SERGEF: variants seen among roughly 807,000 people sequenced by gnomAD.
SERGEF encodes secretion-regulating guanine nucleotide exchange factor.
A neutral mutation model predicts 50.0 loss-of-function variants in SERGEF; 51 were observed. That is an observed-to-expected ratio of 1.02 (90% CI 0.81 to 1.29). The LOEUF is 1.29. SERGEF is among the 50% of genes most tolerant of loss of function. The pLI is 0.00. For missense variants in SERGEF, 521 were observed against 557.0 expected, an observed-to-expected ratio of 0.94 and a Z score of 0.65; for synonymous variants, 205 against 212.4, an observed-to-expected ratio of 0.97 and a Z score of 0.30.
At chr11:17,913,318 T>C (rs1001141816) in intron 9 of SERGEF, among the ~76,000 whole-genome samples, 1 of 152,184 alleles carries the variant, frequency 6.6e-6, no homozygotes, top group Non-Finnish European at 1.5e-5. Flanking sequence ...TCCAAAAACT[T>C]CAGCTGTTTA....
At chr11:17,823,253 G>C (rs912447296) in intron 10 of SERGEF, among the ~76,000 whole-genome samples, 1 of 152,162 alleles carries the variant, frequency 6.6e-6, no homozygotes, top group Admixed American at 6.5e-5. Context: ...AGACCACAGA[G>C]GTGAAGTGTC....
At chr11:17,804,680 T>G (rs979311184) in intron 10 of SERGEF, among the ~76,000 whole-genome samples, 2 of 152,198 alleles carry the variant, frequency 1.3e-5, no homozygotes, top group African/African-American at 4.8e-5. Flanking sequence ...TGAGACCACC[T>G]ATGAAAAAGT....
intron 4 of SERGEF, among the ~76,000 whole-genome samples, chr11:18,003,067 C>T (rs1039961881): frequency 2.0e-5 from 3 of 152,146 alleles, no homozygotes; most frequent in Non-Finnish European, 4.4e-5. Context: ...ACTACAGAGC[C>T]TAGACTTTGT....
intron 9 of SERGEF, among the ~76,000 whole-genome samples, chr11:17,886,017 G>A (rs1851422137): frequency 6.6e-6 from 1 of 152,152 alleles, no homozygotes; most frequent in Non-Finnish European, 1.5e-5. Flanking sequence ...GTAATGGAGA[G>A]AGTTCTGGAT....
At chr11:17,922,585 G>A (rs1449053979) in intron 9 of SERGEF, among the ~76,000 whole-genome samples, 4 of 152,144 alleles carry the variant, frequency 2.6e-5, no homozygotes, top group African/African-American at 4.8e-5. Flanking sequence ...GGCGTACTAT[G>A]TGGTACTCAG....
chr11:17,988,550 T>C (rs1590235573), intron 8 of SERGEF, 47 bp downstream of exon 8: 2 of 1,592,984 alleles, frequency 1.3e-6, no homozygotes, highest in Non-Finnish European at 1.7e-6. Flanking sequence ...TAGACAGCTG[T>C]CCCCCAGCTG....
chr11:17,871,869 C>T (rs2133892589), intron 10 of SERGEF, among the ~76,000 whole-genome samples: 1 of 152,280 alleles, frequency 6.6e-6, no homozygotes, highest in East Asian at 1.9e-4. Flanking sequence ...ACTTTAAACA[C>T]TGTTGCGCAG....
At chr11:17,998,476 T>C (rs1254554029) in intron 5 of SERGEF, among the ~76,000 whole-genome samples, 7 of 118,552 alleles carry the variant, frequency 5.9e-5, no homozygotes, top group East Asian at 5.0e-4. Flanking sequence ...TATATATATA[T>C]ATATATATAT....
chr11:17,945,365 T>C (rs1430097972), intron 9 of SERGEF, among the ~76,000 whole-genome samples: 2 of 152,248 alleles, frequency 1.3e-5, no homozygotes, highest in Non-Finnish European at 1.5e-5. Context: ...TTTAGTTTTA[T>C]ATTATTACAC....
chr11:17,993,114 A>G, intron 6 of SERGEF, 121 bp from the exon 7 acceptor site: 3 of 722,798 alleles, frequency 4.2e-6, no homozygotes, highest in Non-Finnish European at 7.2e-6. Flanking sequence ...GGCAGGCCTG[A>G]GTCAGCAGCA....
At chr11:17,802,513 G>T (rs1177331903) in intron 10 of SERGEF, among the ~76,000 whole-genome samples, 4 of 152,206 alleles carry the variant, frequency 2.6e-5, no homozygotes, top group Non-Finnish European at 4.4e-5. Flanking sequence ...TAGCTCAGAA[G>T]AAAATACCAA....
Position 17,995,908 on chromosome 11 carries a change from C to G in SERGEF, c.510G>C (p.Ala170=). 6.2e-7 allele frequency: 1 copy of G among 1,609,690 alleles called. No individual in the cohort carries two copies. Among genetic ancestry groups the G allele is most frequent in the Non-Finnish European group, 8.5e-7 (1 of 1,176,250 alleles). The change falls in exon 6 of 11, where the codon GCG becomes GCC. Residue 170 remains alanine, a splice_region_variant and synonymous_variant. Transcript: ENST00000265965. The stretch of plus-strand genomic sequence containing the variant: ...TCCCCCACTGGAACACGATGCCACT[C>G]GCTTCCCAACAGAATGGAAGAGAAA... ...AGLRHAVAAT[A]SGIVFQWGTG... is the part of the protein sequence containing the mutation.
At chr11:17,885,295 T>C (rs1387856404) in intron 9 of SERGEF, among the ~76,000 whole-genome samples, 1 of 152,176 alleles carries the variant, frequency 6.6e-6, no homozygotes, top group Non-Finnish European at 1.5e-5. Context: ...GACTTTAAGC[T>C]TTCTTCTCAC....
At chr11:17,971,277 G>T (rs982072107) in intron 8 of SERGEF, among the ~76,000 whole-genome samples, 4 of 152,188 alleles carry the variant, frequency 2.6e-5, no homozygotes, top group African/African-American at 9.7e-5. Context: ...AGAAGCTGTA[G>T]CAAGTTATCC....
intron 9 of SERGEF, among the ~76,000 whole-genome samples, chr11:17,881,290 G>C (rs1057506310): frequency 1.3e-5 from 2 of 152,312 alleles, no homozygotes; most frequent in Non-Finnish European, 2.9e-5. Flanking sequence ...CAGCCTTGAG[G>C]ACCAGGGGCT....
At chr11:17,856,672 A>C (rs1486675622) in intron 10 of SERGEF, 1 of 152,218 alleles carries the variant, frequency 6.6e-6, no homozygotes, top group African/African-American at 2.4e-5. Context: ...AACAGGTATA[A>C]TAATAGTACC....
intron 10 of SERGEF, among the ~76,000 whole-genome samples, chr11:17,850,029 A>C (rs886489585): frequency 1.3e-5 from 2 of 152,180 alleles, no homozygotes; most frequent in Admixed American, 6.5e-5. Context: ...TGGAGGCTGG[A>C]AAGTCCAAGA....
At chr11:18,000,871 C>A in intron 4 of SERGEF, 1 of 517,706 alleles carries the variant, frequency 1.9e-6, no homozygotes, top group Non-Finnish European at 3.7e-6. Context: ...GTTTTACAGG[C>A]CACAGTTTCT....
intron 10 of SERGEF, among the ~76,000 whole-genome samples, chr11:17,799,892 A>G (rs978916010): frequency 1.2e-4 from 18 of 152,214 alleles, no homozygotes; most frequent in Non-Finnish European, 2.4e-4. Context: ...ACAAAGCCCA[A>G]GTGCTGGGTT....
Sources: gnomAD v4.1 joint callset for allele counts (sites outside exome capture counted in the v4.1 genomes callset) on GRCh38, gnomAD v4.1.1 for gene constraint, MANE v1.5 for transcripts, NCBI Gene and HGNC (gene_info 2026-07-23, HGNC 2026-07-21) for gene names.